Variants in LINGO2 observed in about 807,000 individuals in gnomAD.
LINGO2 encodes leucine rich repeat and Ig domain containing 2, also known as leucine-rich repeat and immunoglobulin-like domain-containing nogo receptor-interacting protein 2.
LINGO2 carries 14 observed loss-of-function variants against 30.6 expected under a neutral mutation model. That is an observed-to-expected ratio of 0.46 (90% confidence interval 0.30 to 0.72). The LOEUF (loss-of-function observed/expected upper bound fraction) is 0.72. Among genes scored for constraint, LINGO2 ranks in the 30% least tolerant of loss-of-function variants. LINGO2 has a pLI of 0.07. For missense variants in LINGO2, 729 were observed against 751.7 expected (o/e 0.97, Z 0.35); for synonymous variants, 317 against 288.5 (o/e 1.10, Z -1.00).
At chr9:29,203,828 C>T in the LINGO2 span, among the ~76,000 whole-genome samples, 4 of 152,256 alleles carry the variant, frequency 2.6e-5, no homozygotes, top group East Asian at 7.7e-4. Flanking sequence ...TTTGTCAAAC[C>T]TTAGGAACAA....
chr9:29,149,960 G>A, the LINGO2 span, among the ~76,000 whole-genome samples: 5 of 152,130 alleles, frequency 3.3e-5, no homozygotes, highest in African/African-American at 1.2e-4. Context: ...GCTCCCACTG[G>A]CTTGATGCCA....
intron 5 of LINGO2, among the ~76,000 whole-genome samples, chr9:28,003,982 G>GA (rs953376429): frequency 3.3e-5 from 5 of 152,030 alleles, no homozygotes; most frequent in East Asian, 1.9e-4. Flanking sequence ...CTAGCCATTT[G>GA]AAAAAAGAGT....
the LINGO2 span, among the ~76,000 whole-genome samples, chr9:29,184,518 A>T: frequency 1.3e-5 from 2 of 152,178 alleles, no homozygotes; most frequent in African/African-American, 4.8e-5. Context: ...CTAAAGCACG[A>T]GACAATTTCA....
chr9:28,684,424 C>T, the LINGO2 span, among the ~76,000 whole-genome samples: 2 of 150,854 alleles, frequency 1.3e-5, no homozygotes, highest in East Asian at 2.0e-4. Flanking sequence ...CTCCTGACCT[C>T]GTGATCTGCC....
chr9:28,597,694 G>C (rs1035940403), intron 1 of LINGO2, among the ~76,000 whole-genome samples: 18 of 152,138 alleles, frequency 1.2e-4, no homozygotes, highest in South Asian at 2.1e-4. Context: ...CCATGAACTA[G>C]TTTGTTGGGG....
chr9:28,331,373 T>C (rs985761216), intron 3 of LINGO2, among the ~76,000 whole-genome samples: 1 of 152,146 alleles, frequency 6.6e-6, no homozygotes, highest in Non-Finnish European at 1.5e-5. Context: ...AAATGCTATC[T>C]ATGCTAAATA....
At chr9:28,069,976 G>A (rs141289008) in intron 4 of LINGO2, among the ~76,000 whole-genome samples, 1 of 152,196 alleles carries the variant, frequency 6.6e-6, no homozygotes, top group African/African-American at 2.4e-5. Context: ...TCAAGAAGCC[G>A]CTCATAGTGG....
the LINGO2 span, among the ~76,000 whole-genome samples, chr9:28,732,580 G>A: frequency 2.0e-5 from 3 of 151,810 alleles, no homozygotes; most frequent in African/African-American, 7.3e-5. Flanking sequence ...ACCATAAGTG[G>A]AAGAAAAATT....
At chr9:28,743,668 T>G in the LINGO2 span, among the ~76,000 whole-genome samples, 1 of 152,072 alleles carries the variant, frequency 6.6e-6, no homozygotes, top group East Asian at 1.9e-4. Context: ...GCTGTTAATC[T>G]AATAAATTGA....
the LINGO2 span, among the ~76,000 whole-genome samples, chr9:29,138,973 A>C: frequency 6.6e-6 from 1 of 152,188 alleles, no homozygotes; most frequent in Non-Finnish European, 1.5e-5. Context: ...AAAATAATGC[A>C]TATTACTTCC....
chr9:28,860,944 AAT>A, the LINGO2 span, among the ~76,000 whole-genome samples: 2 of 135,670 alleles, frequency 1.5e-5, no homozygotes, highest in South Asian at 2.1e-4. Flanking sequence ...GGTAAAAAAT[AAT>A]ATATATAATA....
At chr9:28,143,341 C>T (rs954294575) in intron 4 of LINGO2, among the ~76,000 whole-genome samples, 4 of 152,068 alleles carry the variant, frequency 2.6e-5, no homozygotes, top group African/African-American at 9.7e-5. Context: ...GAATTGGATT[C>T]CAATTCTAAG....
At chr9:28,581,259 G>T (rs928142150) in intron 1 of LINGO2, among the ~76,000 whole-genome samples, 4 of 151,830 alleles carry the variant, frequency 2.6e-5, no homozygotes, top group Admixed American at 2.0e-4. Flanking sequence ...GTGTGTGTGT[G>T]TTTAATGCCC....
chr9:28,904,901 T>C, the LINGO2 span, among the ~76,000 whole-genome samples: 1 of 152,006 alleles, frequency 6.6e-6, no homozygotes, highest in African/African-American at 2.4e-5. Context: ...CCAGAAGGAA[T>C]GAAGCTTACT....
chr9:28,280,368 A>C (rs1823276372), intron 4 of LINGO2, among the ~76,000 whole-genome samples: 1 of 152,092 alleles, frequency 6.6e-6, no homozygotes, highest in African/African-American at 2.4e-5. Flanking sequence ...ACAAACCTAA[A>C]CTCAGGGTAA....
chr9:28,003,490 G>A (rs945368857), intron 5 of LINGO2, among the ~76,000 whole-genome samples: 4 of 151,936 alleles, frequency 2.6e-5, no homozygotes, highest in South Asian at 4.1e-4. Context: ...ATGGAGTCTC[G>A]CTGTGTTGCC....
chr9:28,503,847 A>G (rs188399505), intron 1 of LINGO2, among the ~76,000 whole-genome samples: 29 of 151,938 alleles, frequency 1.9e-4, no homozygotes, highest in African/African-American at 7.0e-4. Flanking sequence ...ATCAGAGAAA[A>G]AAGATACGGG....
the LINGO2 span, among the ~76,000 whole-genome samples, chr9:29,182,277 A>T: frequency 0.27 from 40,902 of 152,010 alleles, 5,780 homozygotes; most frequent in East Asian, 0.45. Flanking sequence ...GAGATTAGAA[A>T]TAACAATAAG....
chr9:28,840,909 T>G, the LINGO2 span, among the ~76,000 whole-genome samples: 1 of 151,860 alleles, frequency 6.6e-6, no homozygotes, highest in African/African-American at 2.4e-5. Context: ...CTAATGGGGT[T>G]GTTGGTGTTA....
Sources: gnomAD v4.1 joint callset for allele counts (sites outside exome capture counted in the v4.1 genomes callset) on GRCh38, gnomAD v4.1.1 for gene constraint, MANE v1.5 for transcripts, NCBI Gene and HGNC (gene_info 2026-07-23, HGNC 2026-07-21) for gene names.